Variants in NUDT13 observed in about 807,000 individuals in gnomAD.
NUDT13 encodes the protein NAD(P)H pyrophosphatase NUDT13, mitochondrial.
Under a neutral mutation model 41.7 loss-of-function variants are expected in NUDT13, and 40 were observed. The ratio of observed to expected loss-of-function variants is 0.96; its 90% CI spans 0.75 to 1.25. The LOEUF is 1.25. Ranked by LOEUF, NUDT13 falls within the 50% of genes most tolerant of loss-of-function variation. NUDT13 has a pLI of 0.00. For synonymous variants in NUDT13, 145 were observed against 155.5 expected, an observed-to-expected ratio of 0.93 and a Z score of 0.50; for missense variants, 390 against 416.1, an observed-to-expected ratio of 0.94 and a Z score of 0.55.
At chr10:73,111,505 G>C (rs1842367237) in intron 1 of NUDT13, among the ~76,000 whole-genome samples, 1 of 152,194 alleles carries the variant, frequency 6.6e-6, no homozygotes, top group Admixed American at 6.5e-5. Context: ...CTTCTGGAAA[G>C]ATGAACAGGA....
rs200670673 is a variant in NUDT13 at position 73,120,181 on chromosome 10, C to T, written c.223+24C>T. On this transcript the variant is annotated intron_variant, in intron 3 of 8. Transcript: ENST00000357321. ...AGGTAAGTCCAGAGTGGACCAGTGG[C>T]GTTGACCAGCCTGTGGCCACTACGC... is the stretch of plus-strand genomic sequence containing the variant. 639 of 1,608,012 alleles carry T rather than the reference C, an allele frequency of 4.0e-4. 2 individuals carry two copies. Among genetic ancestry groups the T allele is most frequent in the South Asian group, 1.5e-3 (133 of 90,542 alleles).
chr10:73,115,428 C>G lies in NUDT13; in HGVS notation c.83+980C>G, dbSNP rs993506490. 4.6e-5 allele frequency among the ~76,000 whole-genome samples: 7 copies of G among 151,356 alleles called. No homozygotes were observed. The East Asian group carries it at 1.4e-3, about 30-fold the overall frequency. On this transcript the variant is annotated intron_variant, in intron 2 of 8. Coordinates refer to ENST00000357321, the MANE Select transcript of NUDT13 (RefSeq NM_015901.6). ...AGCTCTGGCAATCCACCTGCCTTGA[C>G]CTCCCAAAGTGTTGGGATTACAGGC...
At chr10:73,123,332 C>T (rs1029017959) in intron 4 of NUDT13, among the ~76,000 whole-genome samples, 1 of 152,108 alleles carries the variant, frequency 6.6e-6, no homozygotes, top group African/African-American at 2.4e-5. Context: ...CATTGGGAAC[C>T]ACTTTGCTAT....
chr10:73,118,276 AC>A (rs1474184947), intron 2 of NUDT13, among the ~76,000 whole-genome samples: 12 of 152,098 alleles, frequency 7.9e-5, no homozygotes, highest in African/African-American at 2.9e-4. Flanking sequence ...GCTCATCGTA[AC>A]CCCTTTTATC....
Position 73,131,313 on chromosome 10 carries a change from T to A in NUDT13, c.*410T>A. ...AAAACTTTTATCTTAGTATTGAAAA[T>A]ATATAGCAAGTTTTAAGTCATTACT... On this transcript the variant is annotated 3_prime_UTR_variant, in exon 9 of 9. Coordinates refer to ENST00000357321, the MANE Select transcript of NUDT13 (RefSeq NM_015901.6). 1 of 185,988 alleles carries A rather than the reference T, an allele frequency of 5.4e-6. No homozygotes were observed. Among genetic ancestry groups the A allele is most frequent in the Admixed American group, 5.3e-5 (1 of 18,926 alleles). 11.5% of individuals were successfully genotyped at this position (185,988 alleles called of 1,614,324 possible).
intron 1 of NUDT13, among the ~76,000 whole-genome samples, chr10:73,111,926 A>AT (rs1054037936): frequency 1.1e-4 from 17 of 151,642 alleles, no homozygotes; most frequent in African/African-American, 1.7e-4. Flanking sequence ...CACATGGCTA[A>AT]TTTTTTTTTC....
Position 73,131,741 on chromosome 10 carries a change from C to G in NUDT13, c.*838C>G, listed in dbSNP as rs1842922424. 1 of 152,152 alleles carries G rather than the reference C, an allele frequency of 6.6e-6. No homozygotes were observed. Among genetic ancestry groups the G allele is most frequent in the Non-Finnish European group, 1.5e-5 (1 of 68,026 alleles). The allele number at this position is 152,152 out of a possible 1,614,324, so 9.4% of individuals were successfully genotyped here. Reference sequence around the variant, plus strand: ...TATTTCTTAAACTTTATGGAATAAACTAAATTTAGGATTTCTCATCATTCA... The same window carrying G: ...TATTTCTTAAACTTTATGGAATAAAGTAAATTTAGGATTTCTCATCATTCA... On this transcript the variant is annotated 3_prime_UTR_variant, in exon 9 of 9. Transcript: ENST00000357321.
chr10:73,124,358 G>C (rs1294433967), intron 5 of NUDT13, 38 bp downstream of exon 5: 1 of 1,426,820 alleles, frequency 7.0e-7, no homozygotes, highest in East Asian at 2.3e-5. Flanking sequence ...AAATTTAGTA[G>C]AGCAGTAAGT....
In NUDT13 at chr10:73,125,263, G is replaced by A. The variant is rs116773007; in HGVS notation, c.591+20G>A. The A allele has an allele frequency of 3.3e-4, 533 of 1,606,932 alleles. 5 individuals carry two copies. The African/African-American group carries it at 6.3e-3, about 19-fold the overall frequency. On this transcript the variant is annotated intron_variant, in intron 6 of 8. Coordinates refer to ENST00000357321, the MANE Select transcript of NUDT13 (RefSeq NM_015901.6). ...CCACAGGTAATTATTGCTGTAAGAG[G>A]ACAGTAATCCAAGAAGACTGTGCGC... is the stretch of plus-strand genomic sequence containing the variant.
At chr10:73,115,325 T>C (rs933689010) in intron 2 of NUDT13, among the ~76,000 whole-genome samples, 1 of 152,104 alleles carries the variant, frequency 6.6e-6, no homozygotes, top group Non-Finnish European at 1.5e-5. Context: ...TACAGGCATA[T>C]GCCACCATGC....
At chr10:73,117,455 G>A (rs1336048658) in intron 2 of NUDT13, among the ~76,000 whole-genome samples, 3 of 151,238 alleles carry the variant, frequency 2.0e-5, no homozygotes, top group African/African-American at 7.3e-5. Flanking sequence ...TACTTGGGAG[G>A]CTGAGGCAAG....
chr10:73,120,091 C>T lies in NUDT13; in HGVS notation c.157C>T (p.His53Tyr). Residue 53 changes from histidine (H) to tyrosine (Y), a missense_variant, in exon 3 of 9, where the codon CAT becomes TAT. Coordinates refer to ENST00000357321, the MANE Select transcript of NUDT13 (RefSeq NM_015901.6). ...AQQTGAFYLF[H>Y]SLAPLLQTSA... ...GCAAACAGGAGCGTTTTACCTCTTT[C>T]ATAGTCTGGCTCCTCTGCTTCAGAC... The T allele has an allele frequency of 1.2e-6, 2 of 1,614,178 alleles. No homozygotes were observed. Among genetic ancestry groups the T allele is most frequent in the Non-Finnish European group, 1.7e-6 (2 of 1,180,012 alleles).
intron 3 of NUDT13, among the ~76,000 whole-genome samples, chr10:73,121,197 G>A (rs1291542635): frequency 6.6e-6 from 1 of 152,084 alleles, no homozygotes; most frequent in East Asian, 1.9e-4. Flanking sequence ...AACATAGTGA[G>A]ACCCCGTCTC....
chr10:73,126,572 T>C, intron 7 of NUDT13, 101 bp from the exon 8 acceptor site: 5 of 1,324,054 alleles, frequency 3.8e-6, no homozygotes, highest in Non-Finnish European at 5.2e-6. Context: ...GAGCATTTCA[T>C]TGAAACTTTG....
At chr10:73,113,097 G>A (rs551638419) in intron 1 of NUDT13, among the ~76,000 whole-genome samples, 1 of 152,282 alleles carries the variant, frequency 6.6e-6, no homozygotes, top group South Asian at 2.1e-4. Flanking sequence ...ATGTTGGTGA[G>A]GCTGGTCTCG....
At chr10:73,110,759 A>C (rs1842345121) in intron 1 of NUDT13, among the ~76,000 whole-genome samples, 192 bp downstream of exon 1, 2 of 152,208 alleles carry the variant, frequency 1.3e-5, no homozygotes, top group Admixed American at 6.5e-5. Context: ...ATCAGTAACC[A>C]CAGCTCATCA....
At chr10:73,118,926 C>A (rs577350067) in intron 2 of NUDT13, among the ~76,000 whole-genome samples, 13 of 151,740 alleles carry the variant, frequency 8.6e-5, no homozygotes, top group Admixed American at 3.3e-4. Flanking sequence ...CAGCTGAGAT[C>A]GTGCCACTGC....
At position 73,120,120 on chromosome 10, in the gene NUDT13, A is replaced by G. The variant is rs761323782; in HGVS notation, c.186A>G (p.Ser62=). The G allele has an allele frequency of 6.2e-7, 1 of 1,614,228 alleles. No individual in the cohort carries two copies. The highest frequency in any genetic ancestry group is 8.5e-7 in the Non-Finnish European group (1 of 1,180,036). ...FHSLAPLLQT[S]AHQYLAPRHS... The stretch of plus-strand genomic sequence containing the variant: ...GTCTGGCTCCTCTGCTTCAGACTTC[A>G]GCACATCAATACCTGGCCCCCCGGC... The change falls in exon 3 of 9, where the codon TCA becomes TCG. Residue 62 remains serine, a synonymous_variant. Transcript: ENST00000357321.
chr10:73,125,682 T>A (rs1445286743), intron 7 of NUDT13, 173 bp downstream of exon 7: 9 of 171,672 alleles, frequency 5.2e-5, no homozygotes, highest in Non-Finnish European at 1.1e-4. Flanking sequence ...TATATAAAAT[T>A]TTTTCCTTTC....
Sources: allele counts gnomAD v4.1 joint callset (sites outside exome capture counted in the v4.1 genomes callset), GRCh38; gene constraint gnomAD v4.1.1; transcripts MANE v1.5; gene names NCBI Gene and HGNC (gene_info 2026-07-23, HGNC 2026-07-21).